NSG2: variants seen among roughly 807,000 people sequenced by gnomAD.
The protein encoded by NSG2 is neuronal vesicle trafficking-associated protein 2.
A neutral mutation model predicts 16.9 loss-of-function variants in NSG2; 4 were observed. The ratio of observed to expected loss-of-function variants is 0.24; its 90% confidence interval spans 0.12 to 0.54. The LOEUF is 0.54. Among genes scored for constraint, NSG2 ranks in the 20% least tolerant of loss-of-function variants. The pLI, the probability that NSG2 is intolerant of heterozygous loss-of-function variation, is 0.95. For missense variants in NSG2, 179 were observed against 221.1 expected (o/e 0.81, Z 1.21); for synonymous variants, 98 against 88.7 (o/e 1.11, Z -0.59).
intron 3 of NSG2, among the ~76,000 whole-genome samples, chr5:174,065,531 TA>T (rs1760125510): frequency 6.6e-6 from 1 of 152,168 alleles, no homozygotes; most frequent in Admixed American, 6.5e-5. Context: ...ATTTGGGTTT[TA>T]GAAAAAGTAT....
chr5:174,103,035 T>TAC lies in NSG2; in HGVS notation c.214-1192_214-1191dup, dbSNP rs1760925725. Among the ~76,000 whole-genome samples, 4 of 149,180 alleles carry TAC rather than the reference T, an allele frequency of 2.7e-5. No individual in the cohort carries two copies. The South Asian group carries it at 8.9e-4, about 33-fold the overall frequency. On this transcript the variant is annotated intron_variant, in intron 3 of 4. Transcript: ENST00000303177. ...AACTCCTGACCTCAAGTGATCTTCC[T>TAC]ACCTCGGCCTCCCAAAGTGCTGAGA...
At chr5:174,080,898 G>A (rs976789541) in intron 3 of NSG2, among the ~76,000 whole-genome samples, 16 of 152,016 alleles carry the variant, frequency 1.1e-4, no homozygotes, top group African/African-American at 2.4e-4. Flanking sequence ...AAGCAAGATT[G>A]CATCTGTTGA....
chr5:174,063,623 TG>T (rs1277487175), intron 2 of NSG2, among the ~76,000 whole-genome samples: 1 of 151,816 alleles, frequency 6.6e-6, no homozygotes, highest in Non-Finnish European at 1.5e-5. Flanking sequence ...TATATATTTT[TG>T]GGGTACAGGA....
chr5:174,068,888 CCTGGTGCTATGGAAGGTG>C (rs1291272511), intron 3 of NSG2, among the ~76,000 whole-genome samples: 1 of 135,048 alleles, frequency 7.4e-6, no homozygotes, highest in African/African-American at 2.8e-5. Context: ...TCGTGGGAAT[CCTGGTGCTATGGAAGGTG>C]CTGGTGCTGT....
chr5:174,096,971 A>T (rs139658274), intron 3 of NSG2, among the ~76,000 whole-genome samples: 1 of 152,306 alleles, frequency 6.6e-6, no homozygotes, highest in Non-Finnish European at 1.5e-5. Context: ...TGGGGAAGTC[A>T]CTTCACCTCT....
At chr5:174,051,378 C>T (rs1404197388) in intron 2 of NSG2, among the ~76,000 whole-genome samples, 2 of 152,200 alleles carry the variant, frequency 1.3e-5, no homozygotes, top group Non-Finnish European at 2.9e-5. Context: ...GCCATTCCTT[C>T]TGCCCAGAAT....
At chr5:174,090,361 C>T (rs988117347) in intron 3 of NSG2, among the ~76,000 whole-genome samples, 6 of 152,174 alleles carry the variant, frequency 3.9e-5, no homozygotes, top group Admixed American at 2.0e-4. Flanking sequence ...GCGTGGGCAA[C>T]GTCCGCCAGG....
At chr5:174,100,985 C>A (rs542345089) in intron 3 of NSG2, among the ~76,000 whole-genome samples, 2 of 152,254 alleles carry the variant, frequency 1.3e-5, no homozygotes, top group Non-Finnish European at 1.5e-5. Flanking sequence ...GGATGGGAAG[C>A]TTTCCAGCAG....
At chr5:174,103,411 T>C (rs72814794) in intron 3 of NSG2, among the ~76,000 whole-genome samples, 1,660 of 152,166 alleles carry the variant, frequency 0.011, 10 homozygotes, top group Middle Eastern at 0.048. Flanking sequence ...AGAATGCAGG[T>C]GGAGCAGGTT....
At chr5:174,054,133 A>G (rs867734917) in intron 2 of NSG2, among the ~76,000 whole-genome samples, 2 of 152,376 alleles carry the variant, frequency 1.3e-5, no homozygotes, top group Middle Eastern at 3.4e-3. Flanking sequence ...GTGGAAAGCT[A>G]TAACAGACAC....
chr5:174,098,762 ACT>A (rs939011411), intron 3 of NSG2, among the ~76,000 whole-genome samples: 1 of 151,960 alleles, frequency 6.6e-6, no homozygotes, highest in African/African-American at 2.4e-5. Context: ...CCTTTAGTAG[ACT>A]CTCAGTGAGC....
chr5:174,076,214 G>A (rs961779827), intron 3 of NSG2, among the ~76,000 whole-genome samples: 11 of 152,322 alleles, frequency 7.2e-5, no homozygotes, highest in South Asian at 4.1e-4. Flanking sequence ...CTAGCACAGC[G>A]CCCGGCATGC....
At chr5:174,056,925 A>G (rs1759975951) in intron 2 of NSG2, among the ~76,000 whole-genome samples, 1 of 152,258 alleles carries the variant, frequency 6.6e-6, no homozygotes. Context: ...TGCCAGTGAC[A>G]CGGGAATTAT....
chr5:174,062,865 G>A (rs1405226411), intron 2 of NSG2, among the ~76,000 whole-genome samples: 1 of 152,144 alleles, frequency 6.6e-6, no homozygotes, highest in African/African-American at 2.4e-5. Flanking sequence ...TAGTTAATAC[G>A]CTTGACTGTT....
At chr5:174,059,444 G>C (rs1240220490) in intron 2 of NSG2, among the ~76,000 whole-genome samples, 1 of 152,134 alleles carries the variant, frequency 6.6e-6, no homozygotes, top group Non-Finnish European at 1.5e-5. Flanking sequence ...CTGACTTTTT[G>C]CTGACACCTA....
rs775592684 is a variant in NSG2, at chr5:174,060,165, G to T, written c.130-4067G>T. 9.7e-4 allele frequency among the ~76,000 whole-genome samples: 148 copies of T among 152,130 alleles called. 3 individuals are homozygous for T. Among genetic ancestry groups the T allele is most frequent in the Admixed American group, 3.9e-4 (6 of 15,266 alleles). Reference sequence around the variant, plus strand: ...TATTTATTATTATGAGAATAAAAATGATATTGCCTGTAATGATTATTCATG... The same window carrying T: ...TATTTATTATTATGAGAATAAAAATTATATTGCCTGTAATGATTATTCATG... On this transcript the variant is annotated intron_variant, in intron 2 of 4. Transcript: ENST00000303177.
intron 3 of NSG2, among the ~76,000 whole-genome samples, chr5:174,066,792 C>T (rs948312692): frequency 1.1e-4 from 17 of 151,616 alleles, no homozygotes; most frequent in African/African-American, 3.6e-4. Flanking sequence ...AGATCGAGAC[C>T]GTCCCGGCTA....
At chr5:174,085,088 C>T (rs1760583433) in intron 3 of NSG2, among the ~76,000 whole-genome samples, 1 of 152,212 alleles carries the variant, frequency 6.6e-6, no homozygotes, top group Non-Finnish European at 1.5e-5. Context: ...TTAAGCAGTG[C>T]AGCCAGGCCT....
Position 174,091,524 on chromosome 5 carries a change from G to T in NSG2, c.214-12704G>T, listed in dbSNP as rs1760721210. 4.6e-5 allele frequency among the ~76,000 whole-genome samples: 7 copies of T among 152,312 alleles called. No homozygotes were observed. In the South Asian group the frequency reaches 1.4e-3, roughly 32 times the overall value. ...CCTTGGGAGCCTGGGGGGATGGGGG[G>T]CTTGCTCAAAGGGGAAGTCTGGGAA... On this transcript the variant is annotated intron_variant, in intron 3 of 4. Transcript: ENST00000303177.
Sources: gnomAD v4.1 joint callset for allele counts (sites outside exome capture counted in the v4.1 genomes callset) on GRCh38, gnomAD v4.1.1 for gene constraint, MANE v1.5 for transcripts, NCBI Gene and HGNC (gene_info 2026-07-23, HGNC 2026-07-21) for gene names.